TBL1Y: variants seen among roughly 807,000 people sequenced by gnomAD.
The protein encoded by TBL1Y is transducin beta like 1 Y-linked.
A neutral mutation model predicts 12.0 loss-of-function variants in TBL1Y; 15 were observed. The ratio of observed to expected loss-of-function variants is 1.25; its 90% CI spans 0.83 to 1.92. The LOEUF is 1.92. Ranked by LOEUF, TBL1Y falls within the 40% of genes most tolerant of loss-of-function variation. The pLI is 0.00. For synonymous variants in TBL1Y, 53 were observed against 42.6 expected, an observed-to-expected ratio of 1.24 and a Z score of -0.95; for missense variants, 148 against 116.7, an observed-to-expected ratio of 1.27 and a Z score of -1.24.
At chrY:7,059,427 G>A (rs962015454) in intron 7 of TBL1Y, among the ~76,000 whole-genome samples, 1 of 32,793 alleles carries the variant, frequency 3.0e-5, no homozygotes, top group Non-Finnish European at 7.5e-5. Context: ...AGGGGGTGGC[G>A]CTTTCTTGAC....
intron 2 of TBL1Y, among the ~76,000 whole-genome samples, chrY:6,940,588 T>C: frequency 3.0e-5 from 1 of 33,087 alleles, no homozygotes; most frequent in Non-Finnish European, 7.4e-5. Flanking sequence ...AGAGACACAC[T>C]TGTGGGTCTA....
chrY:6,927,597 G>C, intron 2 of TBL1Y, among the ~76,000 whole-genome samples: 1 of 33,426 alleles, frequency 3.0e-5, no homozygotes, highest in Non-Finnish European at 7.4e-5. Flanking sequence ...GGTGCATGAG[G>C]AAATCTTGGA....
intron 6 of TBL1Y, among the ~76,000 whole-genome samples, chrY:7,039,535 C>T: frequency 3.0e-5 from 1 of 33,015 alleles, no homozygotes; most frequent in African/African-American, 1.2e-4. Context: ...GTCCCCACCT[C>T]TTAATACCAT....
At chrY:7,032,528 G>T in intron 6 of TBL1Y, among the ~76,000 whole-genome samples, 1 of 33,463 alleles carries the variant, frequency 3.0e-5, no homozygotes, top group South Asian at 6.8e-4. Context: ...TTTGGGGCAA[G>T]TCCCTAGCAC....
intron 4 of TBL1Y, among the ~76,000 whole-genome samples, chrY:7,016,097 C>T (rs2012547179): frequency 6.2e-5 from 2 of 32,152 alleles, no homozygotes; most frequent in Non-Finnish European, 7.6e-5. Context: ...GCAAGATGTC[C>T]GCCCACCTAA....
intron 2 of TBL1Y, among the ~76,000 whole-genome samples, chrY:6,914,778 C>T: frequency 9.0e-5 from 3 of 33,244 alleles, no homozygotes; most frequent in Non-Finnish European, 2.2e-4. Flanking sequence ...GAGGAAGGTG[C>T]GAAGCCAGTG....
chrY:6,981,510 C>T (rs2012280297), intron 3 of TBL1Y, among the ~76,000 whole-genome samples: 1 of 33,341 alleles, frequency 3.0e-5, no homozygotes, highest in African/African-American at 1.2e-4. Context: ...TTAACTTTCA[C>T]ATGGAAATTC....
At chrY:6,987,267 T>G (rs569881002) in intron 3 of TBL1Y, among the ~76,000 whole-genome samples, 620 of 32,413 alleles carry the variant, frequency 0.019, no homozygotes, top group Middle Eastern at 0.15. Context: ...TCGCAGCCAC[T>G]GTATTGTCTA....
At position 6,931,295 on chromosome Y, in the gene TBL1Y, A is replaced by T; in HGVS notation, c.-266+19123A>T. Among the ~76,000 whole-genome samples the T allele has an allele frequency of 9.0e-5, 3 of 33,288 alleles. No individual in the cohort carries two copies. In the East Asian group the frequency reaches 2.4e-3, roughly 27 times the overall value. 89.3% of individuals were successfully genotyped at this position (33,288 alleles called of 37,273 possible). Reference sequence around the variant, plus strand: ...AATCCCAGCTTCTCCCAGCCTGGGGAGGCTGAGGCAGGAGAATCACTTAAA... The same window carrying T: ...AATCCCAGCTTCTCCCAGCCTGGGGTGGCTGAGGCAGGAGAATCACTTAAA... On this transcript the variant is annotated intron_variant, in intron 2 of 18. Coordinates refer to ENST00000383032, the MANE Select transcript of TBL1Y (RefSeq NM_033284.2).
intron 2 of TBL1Y, chrY:6,918,589 T>A: frequency 3.2e-5 from 1 of 31,177 alleles, no homozygotes; most frequent in East Asian, 8.6e-4. Context: ...TTTTGTTTTT[T>A]AATTTTTAGT....
intron 2 of TBL1Y, among the ~76,000 whole-genome samples, chrY:6,927,174 C>A (rs966097237): frequency 9.1e-5 from 3 of 32,851 alleles, no homozygotes; most frequent in Admixed American, 2.8e-4. Context: ...GTGATCTGCC[C>A]GTTTTGGCCT....
At chrY:7,086,109 C>A in intron 15 of TBL1Y, 137 bp downstream of exon 15, 1 of 251,848 alleles carries the variant, frequency 4.0e-6, no homozygotes, top group Admixed American at 9.2e-5. Context: ...CGGTGAACTC[C>A]AATTTCTCAG....
intron 7 of TBL1Y, 79 bp from the exon 8 acceptor site, chrY:7,063,818 T>TA: frequency 2.7e-6 from 1 of 367,247 alleles, no homozygotes; most frequent in East Asian, 9.4e-5. Flanking sequence ...CCCGTGCCTC[T>TA]CCTGCCCAGA....
chrY:6,988,254 T>A, intron 3 of TBL1Y, among the ~76,000 whole-genome samples: 1 of 33,919 alleles, frequency 2.9e-5, no homozygotes. Flanking sequence ...ACACCTTTCT[T>A]GACTTTCTGT....
intron 18 of TBL1Y, among the ~76,000 whole-genome samples, chrY:7,090,576 TTGTC>T (rs2013170740): frequency 3.0e-5 from 1 of 33,625 alleles, no homozygotes; most frequent in African/African-American, 1.2e-4. Flanking sequence ...GCTTTTATCT[TTGTC>T]TGAACATCAT....
chrY:7,044,994 G>A (rs2012750910), intron 7 of TBL1Y, among the ~76,000 whole-genome samples: 1 of 32,861 alleles, frequency 3.0e-5, no homozygotes, highest in South Asian at 7.1e-4. Context: ...AGCCATAGCT[G>A]TAAAAACTCT....
At chrY:7,060,753 T>G (rs952597792) in intron 7 of TBL1Y, among the ~76,000 whole-genome samples, 6 of 33,483 alleles carry the variant, frequency 1.8e-4, no homozygotes, top group Non-Finnish European at 2.9e-4. Flanking sequence ...GTAAGTACTT[T>G]AAGGCTTGTC....
intron 7 of TBL1Y, among the ~76,000 whole-genome samples, chrY:7,062,725 C>G (rs1040043246): frequency 2.1e-4 from 7 of 33,255 alleles, no homozygotes; most frequent in Non-Finnish European, 1.5e-4. Context: ...CTGGAAATTT[C>G]TTGTGTTTTG....
chrY:7,001,695 A>G (rs2012453960), intron 4 of TBL1Y, among the ~76,000 whole-genome samples: 1 of 34,440 alleles, frequency 2.9e-5, no homozygotes, highest in African/African-American at 1.1e-4. Context: ...TTCAACTAGA[A>G]TGACTGGAGG....
Sources: gnomAD v4.1 joint callset for allele counts (sites outside exome capture counted in the v4.1 genomes callset) on GRCh38, gnomAD v4.1.1 for gene constraint, MANE v1.5 for transcripts, NCBI Gene and HGNC (gene_info 2026-07-23, HGNC 2026-07-21) for gene names.